PLD1: variants seen among roughly 807,000 people sequenced by gnomAD.
PLD1 encodes phospholipase D1, also known as choline phosphatase 1.
Under a neutral mutation model 137.1 loss-of-function variants are expected in PLD1, and 112 were observed. The observed-to-expected ratio is 0.82, with a 90% CI of 0.70 to 0.96. The LOEUF (loss-of-function observed/expected upper bound fraction) is 0.96, where lower values mean the gene tolerates loss of function less well. Ranked by LOEUF, PLD1 falls within the 40% of genes least tolerant of loss-of-function variation. PLD1 has a pLI of 0.00. For missense variants in PLD1, 1,321 were observed against 1,342.0 expected (o/e 0.98, Z 0.24); for synonymous variants, 431 against 454.7 (o/e 0.95, Z 0.66).
At chr3:171,773,560 C>G (rs1422718243) in intron 1 of PLD1, among the ~76,000 whole-genome samples, 1 of 151,796 alleles carries the variant, frequency 6.6e-6, no homozygotes, top group Non-Finnish European at 1.5e-5. Context: ...CGACTTCGTG[C>G]CATTGCACTC....
intron 23 of PLD1, among the ~76,000 whole-genome samples, chr3:171,625,024 A>G (rs1733963498): frequency 6.6e-6 from 1 of 152,116 alleles, no homozygotes; most frequent in South Asian, 2.1e-4. Flanking sequence ...TATTGGAAGC[A>G]TAGTTCATGC....
intron 9 of PLD1, among the ~76,000 whole-genome samples, chr3:171,712,003 C>T (rs1717277572): frequency 1.3e-5 from 2 of 152,116 alleles, no homozygotes; most frequent in Admixed American, 1.3e-4. Flanking sequence ...TACCATCATA[C>T]CAATGTAAGA....
At chr3:171,691,194 GT>G (rs1715113873) in intron 13 of PLD1, among the ~76,000 whole-genome samples, 1 of 152,002 alleles carries the variant, frequency 6.6e-6, no homozygotes, top group Admixed American at 6.6e-5. Context: ...ACCTATTTGT[GT>G]CTTTGCAGCT....
intron 1 of PLD1, among the ~76,000 whole-genome samples, chr3:171,774,845 T>C (rs1271630611): frequency 6.6e-6 from 1 of 151,786 alleles, no homozygotes; most frequent in Non-Finnish European, 1.5e-5. Flanking sequence ...AGCCAAGGAG[T>C]TCACTGAGGG....
intron 9 of PLD1, among the ~76,000 whole-genome samples, chr3:171,710,115 T>G (rs1034029974): frequency 2.0e-5 from 3 of 151,992 alleles, no homozygotes; most frequent in Non-Finnish European, 4.4e-5. Context: ...CAGGCTGGAG[T>G]GCAGTGGCGC....
At position 171,708,707 on chromosome 3, in the gene PLD1, C is replaced by T. The variant is rs769411225; in HGVS notation, c.1145+48G>A. The stretch of plus-strand genomic sequence containing the variant: ...AACAGCACTATACCACTGTACATTT[C>T]TAAACATAGAGACTTCCAGAAAAAA... On this transcript the variant is annotated intron_variant, in intron 11 of 26. Transcript: ENST00000351298. 1.2e-5 allele frequency: 12 copies of T among 973,896 alleles called. No individual in the cohort carries two copies. In the South Asian group the frequency reaches 1.5e-4, roughly 13 times the overall value. The allele number at this position is 973,896 out of a possible 1,614,324, so 60.3% of individuals were successfully genotyped here.
At chr3:171,761,988 A>G (rs1721427729) in intron 1 of PLD1, among the ~76,000 whole-genome samples, 1 of 152,220 alleles carries the variant, frequency 6.6e-6, no homozygotes, top group South Asian at 2.1e-4. Context: ...TTTGGACTCT[A>G]TCTTCTTATC....
rs181045790 is a variant in PLD1, at chr3:171,753,945, C to T, written c.-31-15863G>A. On this transcript the variant is annotated intron_variant, in intron 1 of 26. Coordinates refer to ENST00000351298, the MANE Select transcript of PLD1 (RefSeq NM_002662.5). ...AACTCAGCCTTTCAATAGGCTGCTC[C>T]GTCTGCAGCTTTGCGTTCCTCCAAC... 3.2e-4 allele frequency among the ~76,000 whole-genome samples: 48 copies of T among 152,294 alleles called. 1 individual carries two copies. The highest frequency in any genetic ancestry group is 2.4e-4 in the Non-Finnish European group (16 of 68,028).
intron 23 of PLD1, among the ~76,000 whole-genome samples, chr3:171,626,681 G>T (rs941413396): frequency 3.3e-5 from 5 of 151,778 alleles, no homozygotes; most frequent in African/African-American, 1.2e-4. Flanking sequence ...AGCCAGAAGA[G>T]AGTGGGGGCC....
At chr3:171,789,938 G>A (rs558556698) in intron 1 of PLD1, 2 of 152,348 alleles carry the variant, frequency 1.3e-5, no homozygotes, top group Admixed American at 6.5e-5. Flanking sequence ...CTTCCACGTA[G>A]GGTCAAAGGA....
intron 6 of PLD1, among the ~76,000 whole-genome samples, chr3:171,727,603 G>A (rs1402004444): frequency 9.2e-5 from 14 of 152,140 alleles, no homozygotes; most frequent in Admixed American, 9.2e-4. Context: ...CGGGAGACCA[G>A]ATATGGAAAA....
intron 1 of PLD1, among the ~76,000 whole-genome samples, chr3:171,769,656 C>T (rs1025528448): frequency 1.3e-5 from 2 of 152,116 alleles, no homozygotes; most frequent in East Asian, 1.9e-4. Flanking sequence ...TTTGTAATCC[C>T]GAAATGGCAT....
At chr3:171,747,699 T>C (rs1346461799) in intron 1 of PLD1, among the ~76,000 whole-genome samples, 1 of 152,224 alleles carries the variant, frequency 6.6e-6, no homozygotes, top group Non-Finnish European at 1.5e-5. Context: ...ATGTTTACTA[T>C]GTACCAGGCA....
intron 24 of PLD1, among the ~76,000 whole-genome samples, chr3:171,618,936 T>G (rs1172670919): frequency 1.3e-5 from 2 of 152,168 alleles, no homozygotes; most frequent in African/African-American, 4.8e-5. Context: ...ATGTTTCTTT[T>G]CTATTCAAAT....
At chr3:171,681,689 T>C (rs1012749105) in intron 16 of PLD1, among the ~76,000 whole-genome samples, 5 of 152,318 alleles carry the variant, frequency 3.3e-5, no homozygotes, top group African/African-American at 1.2e-4. Flanking sequence ...ACTCTTGCAG[T>C]AGGAGTATCT....
Position 171,714,024 on chromosome 3 carries a change from G to A in PLD1, c.780C>T (p.Ser260=). 6.2e-7 allele frequency: 1 copy of A among 1,606,056 alleles called. No homozygotes were observed. The highest frequency in any genetic ancestry group is 8.5e-7 in the Non-Finnish European group (1 of 1,173,174). The change falls in exon 9 of 27, where the codon TCC becomes TCT. Residue 260 remains serine (S), a synonymous_variant. Transcript: ENST00000351298. ...TGTCTGGTTTCATATACAATAAAAA[G>A]GAATCTTTCACTATTAACCATCTGT... ...WSKRWLIVKD[S]FLLYMKPDSG... is the part of the protein sequence containing the mutation.
At chr3:171,687,261 C>T (rs1324748578) in intron 15 of PLD1, 110 bp downstream of exon 15, 11 of 860,654 alleles carry the variant, frequency 1.3e-5, no homozygotes, top group Middle Eastern at 5.3e-4. Flanking sequence ...CTCAACATTG[C>T]TCATTCTACT....
At chr3:171,714,427 A>G (rs963770290) in intron 8 of PLD1, among the ~76,000 whole-genome samples, 1 of 152,208 alleles carries the variant, frequency 6.6e-6, no homozygotes, top group Non-Finnish European at 1.5e-5. Flanking sequence ...CAGGCTGCAT[A>G]TAACAACATG....
Position 171,677,575 on chromosome 3 carries a change from G to T in PLD1, c.1987C>A (p.Pro663Thr). The change falls in exon 17 of 27, where the codon CCT becomes ACT. Residue 663 changes from proline (P) to threonine (T), a missense_variant. Transcript: ENST00000351298. ...VFKDWVQLDK[P>T]FADFIDRYST... is the part of the protein sequence containing the mutation. ...CCATTATGATACTCACCAGCAAAAG[G>T]TTTATCAAGTTGAACCCAGTCTTTG... 1.2e-6 allele frequency: 2 copies of T among 1,613,812 alleles called. No homozygotes were observed. Among genetic ancestry groups the T allele is most frequent in the Non-Finnish European group, 1.7e-6 (2 of 1,179,820 alleles).
Sources: allele counts gnomAD v4.1 joint callset (sites outside exome capture counted in the v4.1 genomes callset), GRCh38; gene constraint gnomAD v4.1.1; transcripts MANE v1.5; gene names NCBI Gene and HGNC (gene_info 2026-07-23, HGNC 2026-07-21).